Variants in ENTREP2 observed in about 807,000 individuals in gnomAD.
ENTREP2 encodes endosomal transmembrane epsin interactor 2, also known as protein ENTREP2.
chr15:29,665,045 G>A, the ENTREP2 span, among the ~76,000 whole-genome samples: 1 of 152,192 alleles, frequency 6.6e-6, no homozygotes, highest in Non-Finnish European at 1.5e-5. Flanking sequence ...CTTGCTCCAA[G>A]TGAGGAGCAA....
chr15:29,472,331 C>A, the ENTREP2 span, among the ~76,000 whole-genome samples: 1 of 151,912 alleles, frequency 6.6e-6, no homozygotes, highest in Non-Finnish European at 1.5e-5. Flanking sequence ...ATAATCAAAA[C>A]CCACCTTAAA....
the ENTREP2 span, among the ~76,000 whole-genome samples, chr15:29,279,577 A>G: frequency 8.5e-5 from 13 of 152,048 alleles, no homozygotes; most frequent in Admixed American, 2.0e-4. Flanking sequence ...GTTGGCCAGG[A>G]TGGTCTTGAT....
At chr15:29,638,028 T>C in the ENTREP2 span, among the ~76,000 whole-genome samples, 1 of 152,192 alleles carries the variant, frequency 6.6e-6, no homozygotes, top group African/African-American at 2.4e-5. Context: ...CACCTCCAAG[T>C]GTGTCTGTCA....
the ENTREP2 span, among the ~76,000 whole-genome samples, chr15:29,490,103 T>C: frequency 6.6e-6 from 1 of 152,208 alleles, no homozygotes; most frequent in East Asian, 1.9e-4. Flanking sequence ...ATGTGCGGAA[T>C]TGGTGGGTTC....
At chr15:29,655,450 T>G in the ENTREP2 span, among the ~76,000 whole-genome samples, 5 of 152,226 alleles carry the variant, frequency 3.3e-5, no homozygotes, top group Non-Finnish European at 7.3e-5. Context: ...CATTTTAGCC[T>G]TTACTGTGTA....
the ENTREP2 span, among the ~76,000 whole-genome samples, chr15:29,254,336 T>C: frequency 6.6e-6 from 1 of 152,316 alleles, no homozygotes; most frequent in African/African-American, 2.4e-5. Flanking sequence ...GTGCAAATGA[T>C]TCTTGACGAT....
the ENTREP2 span, among the ~76,000 whole-genome samples, chr15:29,202,644 A>G: frequency 6.6e-6 from 1 of 151,164 alleles, no homozygotes; most frequent in Non-Finnish European, 1.5e-5. Flanking sequence ...CTTGCCCCCA[A>G]CCCCTGACAG....
the ENTREP2 span, chr15:29,570,494 C>T: frequency 7.5e-7 from 1 of 1,325,572 alleles, no homozygotes; most frequent in Non-Finnish European, 9.7e-7. Context: ...CGCCTGGTCG[C>T]GGACACTCAC....
the ENTREP2 span, among the ~76,000 whole-genome samples, chr15:29,241,465 T>G: frequency 6.6e-6 from 1 of 152,180 alleles, no homozygotes; most frequent in South Asian, 2.1e-4. Flanking sequence ...AGCAATTGCC[T>G]GTGTGGTAGG....
At chr15:29,382,932 C>T in the ENTREP2 span, among the ~76,000 whole-genome samples, 1 of 152,160 alleles carries the variant, frequency 6.6e-6, no homozygotes, top group African/African-American at 2.4e-5. Context: ...AGACAAAGCT[C>T]GGTCCCCATC....
the ENTREP2 span, among the ~76,000 whole-genome samples, chr15:29,624,868 AATTT>A: frequency 8.2e-6 from 1 of 122,492 alleles, no homozygotes; most frequent in Non-Finnish European, 1.7e-5. Flanking sequence ...ACCCTGCATT[AATTT>A]GTGTGTGTGT....
the ENTREP2 span, among the ~76,000 whole-genome samples, chr15:29,456,767 G>T: frequency 8.5e-5 from 13 of 152,312 alleles, no homozygotes; most frequent in South Asian, 8.3e-4. Flanking sequence ...TGGCTACTTG[G>T]AGGAAAGTTT....
At chr15:29,515,342 G>T in the ENTREP2 span, among the ~76,000 whole-genome samples, 1 of 152,198 alleles carries the variant, frequency 6.6e-6, no homozygotes, top group African/African-American at 2.4e-5. Context: ...TCGGGGGGAT[G>T]ATGGATGTCC....
the ENTREP2 span, among the ~76,000 whole-genome samples, chr15:29,645,529 G>A: frequency 1.7e-3 from 264 of 152,028 alleles, 5 homozygotes; most frequent in African/African-American, 5.9e-3. Flanking sequence ...GGAACCAGTC[G>A]TTTTTCTCAT....
chr15:29,216,980 C>T, the ENTREP2 span, among the ~76,000 whole-genome samples: 2 of 151,976 alleles, frequency 1.3e-5, no homozygotes, highest in Admixed American at 6.6e-5. Flanking sequence ...AGAAGGGGCT[C>T]GATTTAACTT....
the ENTREP2 span, among the ~76,000 whole-genome samples, chr15:29,603,543 G>A: frequency 1.3e-5 from 2 of 152,226 alleles, no homozygotes; most frequent in Admixed American, 6.5e-5. Flanking sequence ...AGTGCTCTTC[G>A]GGGGCAAGAG....
the ENTREP2 span, among the ~76,000 whole-genome samples, chr15:29,498,204 T>G: frequency 6.6e-6 from 1 of 152,194 alleles, no homozygotes; most frequent in Non-Finnish European, 1.5e-5. Context: ...TTAAGTTTCT[T>G]GAGGCCTCCC....
At chr15:29,269,469 G>C in the ENTREP2 span, 3 of 1,612,670 alleles carry the variant, frequency 1.9e-6, no homozygotes, top group Non-Finnish European at 2.5e-6. Context: ...TCTGGCTCCT[G>C]GGCCCCACGG....
the ENTREP2 span, among the ~76,000 whole-genome samples, chr15:29,511,895 G>A: frequency 6.6e-6 from 1 of 150,398 alleles, no homozygotes; most frequent in Non-Finnish European, 1.5e-5. Flanking sequence ...CTATTGTAAA[G>A]AAGCATGCAG....
Sources: gnomAD v4.1 joint callset for allele counts (sites outside exome capture counted in the v4.1 genomes callset) on GRCh38, gnomAD v4.1.1 for gene constraint, MANE v1.5 for transcripts, NCBI Gene and HGNC (gene_info 2026-07-23, HGNC 2026-07-21) for gene names.